Variants in APP observed in about 807,000 individuals in gnomAD.
APP encodes the protein amyloid beta precursor protein.
Under a neutral mutation model 101.4 loss-of-function variants are expected in APP, and 31 were observed. The observed-to-expected ratio is 0.31, with a 90% CI of 0.23 to 0.41. The LOEUF is 0.41. Ranked by LOEUF, APP falls within the 10% of genes least tolerant of loss-of-function variation. APP has a pLI of 1.00. For missense variants in APP, 839 were observed against 1,003.7 expected (o/e 0.84, Z 2.22); for synonymous variants, 366 against 364.4 (o/e 1.00, Z -0.05).
intron 2 of APP, among the ~76,000 whole-genome samples, chr21:26,099,694 G>T (rs117195250): frequency 1.3e-5 from 2 of 152,264 alleles, no homozygotes; most frequent in Non-Finnish European, 1.5e-5. Context: ...TAATAATGAG[G>T]AATACTGAAA....
At chr21:25,976,919 C>T (rs1024723557) in intron 9 of APP, among the ~76,000 whole-genome samples, 1 of 152,142 alleles carries the variant, frequency 6.6e-6, no homozygotes, top group Non-Finnish European at 1.5e-5. Flanking sequence ...TTTTGCCCTC[C>T]TCTTGCCCTT....
At chr21:26,032,417 A>G (rs1264044220) in intron 5 of APP, among the ~76,000 whole-genome samples, 2 of 152,132 alleles carry the variant, frequency 1.3e-5, no homozygotes, top group African/African-American at 4.8e-5. Context: ...CCTAGAGAGA[A>G]GGTCTAGTGT....
At chr21:26,059,766 C>T (rs529380435) in intron 3 of APP, among the ~76,000 whole-genome samples, 22 of 151,994 alleles carry the variant, frequency 1.4e-4, no homozygotes, top group African/African-American at 4.8e-4. Context: ...TGGTGCATGC[C>T]TGTAATCCCA....
intron 17 of APP, among the ~76,000 whole-genome samples, chr21:25,883,174 G>A (rs1569000503): frequency 6.6e-6 from 1 of 152,124 alleles, no homozygotes. Flanking sequence ...AGCCTGAGGT[G>A]GGTGCGTCAC....
chr21:26,170,480 C>T, intron 1 of APP, 84 bp downstream of exon 1: 1 of 1,420,602 alleles, frequency 7.0e-7, no homozygotes, highest in Non-Finnish European at 9.5e-7. Flanking sequence ...GGCTTCTCTG[C>T]ATTAAAGACT....
At chr21:26,092,151 GT>G (rs1002350171) in intron 2 of APP, among the ~76,000 whole-genome samples, 1 of 152,074 alleles carries the variant, frequency 6.6e-6, no homozygotes, top group Non-Finnish European at 1.5e-5. Flanking sequence ...TCATCATGGA[GT>G]TTTTTTGCAG....
chr21:26,066,331 G>C (rs772300857), intron 3 of APP, among the ~76,000 whole-genome samples: 7 of 152,056 alleles, frequency 4.6e-5, no homozygotes, highest in Non-Finnish European at 7.4e-5. Context: ...GACACTCTTT[G>C]CTTACCCACT....
chr21:26,059,504 T>C (rs2046180061), intron 3 of APP, among the ~76,000 whole-genome samples: 1 of 152,174 alleles, frequency 6.6e-6, no homozygotes, highest in Non-Finnish European at 1.5e-5. Flanking sequence ...AACTCTGAAC[T>C]GTGTGCCTGC....
At chr21:26,132,569 A>T in intron 1 of APP, among the ~76,000 whole-genome samples, 1 of 152,186 alleles carries the variant, frequency 6.6e-6, no homozygotes, top group Non-Finnish European at 1.5e-5. Flanking sequence ...AGAACTTTAC[A>T]TTTCTGTTAC....
At chr21:26,056,050 G>A (rs1469493010) in intron 3 of APP, among the ~76,000 whole-genome samples, 4 of 152,104 alleles carry the variant, frequency 2.6e-5, no homozygotes, top group African/African-American at 9.7e-5. Context: ...TTGTTTGTTT[G>A]TTTTCAGACA....
At chr21:26,069,251 T>C (rs931852241) in intron 3 of APP, among the ~76,000 whole-genome samples, 2 of 152,132 alleles carry the variant, frequency 1.3e-5, no homozygotes, top group Admixed American at 1.3e-4. Flanking sequence ...ACCATGGGAC[T>C]ATAACTCTAC....
chr21:26,133,508 G>A (rs984926890), intron 1 of APP, among the ~76,000 whole-genome samples: 7 of 152,094 alleles, frequency 4.6e-5, no homozygotes, highest in Admixed American at 3.3e-4. Flanking sequence ...AGAATAGGCC[G>A]GGCGCGGTGG....
rs765932 is a variant in APP, at chr21:26,073,689, T to C, written c.355+16254A>G. Reference sequence around the variant, plus strand: ...AATACTATTGAGATGTGAAATTAAATACAGGGTCAGTAGGCCAAGGGTCTT... The same window carrying C: ...AATACTATTGAGATGTGAAATTAAACACAGGGTCAGTAGGCCAAGGGTCTT... On this transcript the variant is annotated intron_variant, in intron 3 of 17. Transcript: ENST00000346798. Among the ~76,000 whole-genome samples the C allele has an allele frequency of 1.5e-3, 223 of 152,288 alleles. 1 individual carries two copies. Among genetic ancestry groups the C allele is most frequent in the Admixed American group, 1.6e-3 (25 of 15,302 alleles).
chr21:26,170,000 T>C (rs749454753), intron 1 of APP, among the ~76,000 whole-genome samples: 14 of 150,992 alleles, frequency 9.3e-5, no homozygotes, highest in Non-Finnish European at 1.8e-4. Context: ...CGAAAAGAGG[T>C]TGGAGCAAGG....
chr21:26,024,989 T>C (rs2044505456), intron 5 of APP, among the ~76,000 whole-genome samples: 1 of 152,250 alleles, frequency 6.6e-6, no homozygotes. Flanking sequence ...TAATCAGTTA[T>C]TGTAACATTT....
At chr21:26,124,234 T>G (rs1292140620) in intron 1 of APP, among the ~76,000 whole-genome samples, 2 of 152,188 alleles carry the variant, frequency 1.3e-5, no homozygotes, top group Non-Finnish European at 2.9e-5. Flanking sequence ...ACCTGTGAAA[T>G]TTTTTATTGT....
chr21:26,121,080 T>A (rs1278839885), intron 1 of APP, among the ~76,000 whole-genome samples: 1 of 152,186 alleles, frequency 6.6e-6, no homozygotes, highest in African/African-American at 2.4e-5. Flanking sequence ...TCAAGCAGAC[T>A]GATCATGTGA....
rs562614633 is a variant in APP, at chr21:26,065,145, C to T, written c.356-11797G>A. Among the ~76,000 whole-genome samples, 13 of 152,272 alleles carry T rather than the reference C, an allele frequency of 8.5e-5. No individual in the cohort carries two copies. The East Asian group carries it at 1.7e-3, about 20-fold the overall frequency. On this transcript the variant is annotated intron_variant, in intron 3 of 17. Coordinates refer to ENST00000346798, the MANE Select transcript of APP (RefSeq NM_000484.4). Reference sequence around the variant, plus strand: ...CTGGGATTACAGGCACCGGCCACCCCGCCCGGCCCACTCCCGGATTTCTTA... The same window carrying T: ...CTGGGATTACAGGCACCGGCCACCCTGCCCGGCCCACTCCCGGATTTCTTA...
intron 14 of APP, among the ~76,000 whole-genome samples, chr21:25,907,874 G>T (rs2038872086): frequency 6.6e-6 from 1 of 152,152 alleles, no homozygotes; most frequent in Non-Finnish European, 1.5e-5. Flanking sequence ...ATTTAAATTG[G>T]CTTCCTCATT....
Sources: gnomAD v4.1 joint callset for allele counts (sites outside exome capture counted in the v4.1 genomes callset) on GRCh38, gnomAD v4.1.1 for gene constraint, MANE v1.5 for transcripts, NCBI Gene and HGNC (gene_info 2026-07-23, HGNC 2026-07-21) for gene names.